Variants in SLC24A2 observed in about 807,000 individuals in gnomAD.
SLC24A2 encodes the protein solute carrier family 24 member 2.
In SLC24A2, 36 loss-of-function variants were observed where a neutral mutation model predicts 62.0. That is an observed-to-expected ratio of 0.58 (90% CI 0.44 to 0.77). SLC24A2 has a LOEUF of 0.77. Ranked by LOEUF, SLC24A2 falls within the 30% of genes least tolerant of loss-of-function variation. The probability of loss-of-function intolerance (pLI) is 0.00; values close to 1 mark genes in which losing one functional copy is unlikely to be tolerated. For missense variants in SLC24A2, 846 were observed against 817.9 expected (o/e 1.03, Z -0.42); for synonymous variants, 358 against 294.0 (o/e 1.22, Z -2.23).
intron 2 of SLC24A2, among the ~76,000 whole-genome samples, chr9:19,636,290 T>TC (rs1818316191): frequency 2.5e-5 from 1 of 40,306 alleles, no homozygotes; most frequent in African/African-American, 9.3e-5. Flanking sequence ...TCTTCTCTTC[T>TC]TTTCTTTTCT....
intron 2 of SLC24A2, among the ~76,000 whole-genome samples, chr9:19,744,642 G>C (rs1215589892): frequency 1.4e-4 from 21 of 152,124 alleles, no homozygotes; most frequent in Admixed American, 1.4e-3. Flanking sequence ...TGGGAATCTG[G>C]ATTTACATAT....
the SLC24A2 span, among the ~76,000 whole-genome samples, chr9:20,196,837 TA>T: frequency 2.6e-5 from 4 of 152,214 alleles, no homozygotes; most frequent in Admixed American, 2.6e-4. Context: ...CATCCCCTCC[TA>T]AAAACAACAC....
chr9:19,918,678 G>A, the SLC24A2 span, among the ~76,000 whole-genome samples: 1 of 152,270 alleles, frequency 6.6e-6, no homozygotes, highest in Admixed American at 6.5e-5. Context: ...GGGTCCCAGT[G>A]AGAGTCATCT....
chr9:20,127,201 T>A, the SLC24A2 span, among the ~76,000 whole-genome samples: 1 of 152,104 alleles, frequency 6.6e-6, no homozygotes, highest in Admixed American at 6.6e-5. Flanking sequence ...GTTTCCTCTC[T>A]CCTTCATTCC....
chr9:19,578,683 G>T lies in SLC24A2; in HGVS notation c.1130-1661C>A, dbSNP rs371073838. 1.2e-4 allele frequency among the ~76,000 whole-genome samples: 19 copies of T among 152,218 alleles called. No individual in the cohort carries two copies. In the East Asian group the frequency reaches 2.7e-3, roughly 22 times the overall value. On this transcript the variant is annotated intron_variant, in intron 5 of 10. Coordinates refer to ENST00000341998, the MANE Select transcript of SLC24A2 (RefSeq NM_020344.4). ...AGCTTCTTTTCCTAGGATAAAGCATGGCAGATTGGCACCCACTGCCCACCT... is the reference window on the plus strand; with the variant it reads ...AGCTTCTTTTCCTAGGATAAAGCATTGCAGATTGGCACCCACTGCCCACCT...
chr9:19,615,994 GCACACACACACACACA>G (rs3220155), intron 4 of SLC24A2, among the ~76,000 whole-genome samples: 20 of 140,902 alleles, frequency 1.4e-4, no homozygotes, highest in Admixed American at 4.3e-4. Flanking sequence ...TCACAGGCGT[GCACACACACACACACA>G]CACACACACA....
chr9:19,850,977 A>T, the SLC24A2 span, among the ~76,000 whole-genome samples: 3 of 45,336 alleles, frequency 6.6e-5, no homozygotes, highest in Admixed American at 4.7e-4. Context: ...GTATATATAT[A>T]TATATATGTA....
At chr9:19,562,698 G>A (rs1236972857) in intron 7 of SLC24A2, among the ~76,000 whole-genome samples, 2 of 152,134 alleles carry the variant, frequency 1.3e-5, no homozygotes, top group African/African-American at 2.4e-5. Flanking sequence ...GGCCTGGTCA[G>A]TAAAAAAATC....
chr9:19,710,117 T>G (rs1401779560), intron 2 of SLC24A2, among the ~76,000 whole-genome samples: 1 of 152,104 alleles, frequency 6.6e-6, no homozygotes, highest in East Asian at 1.9e-4. Flanking sequence ...GAAGAAAGAT[T>G]GGAGAGGGGC....
In SLC24A2 at chr9:19,508,173, G is replaced by A. The variant is rs1832574157; in HGVS notation, c.*7980C>T. 6.6e-6 allele frequency: 1 copy of A among 152,192 alleles called. No individual in the cohort carries two copies. Among genetic ancestry groups the A allele is most frequent in the Non-Finnish European group, 1.5e-5 (1 of 68,032 alleles). The allele number at this position is 152,192 out of a possible 1,614,324, so 9.4% of individuals were successfully genotyped here. A position where few individuals can be genotyped will look rare whatever the true frequency, so the allele number is the denominator to read the frequency against. ...CCGGAGTTTTTTGACTTGAGCAGAA[G>A]AAATATCAAGGCTAGATGCAGGGTA... On this transcript the variant is annotated 3_prime_UTR_variant, in exon 11 of 11. Coordinates refer to ENST00000341998, the MANE Select transcript of SLC24A2 (RefSeq NM_020344.4).
At chr9:20,185,338 C>A in the SLC24A2 span, among the ~76,000 whole-genome samples, 1 of 151,912 alleles carries the variant, frequency 6.6e-6, no homozygotes, top group Non-Finnish European at 1.5e-5. Context: ...TAAATATATA[C>A]AATATTATTT....
chr9:19,658,743 C>G (rs1819010437), intron 2 of SLC24A2, among the ~76,000 whole-genome samples: 1 of 152,150 alleles, frequency 6.6e-6, no homozygotes, highest in Non-Finnish European at 1.5e-5. Context: ...GTGGGAGACC[C>G]AGGAGACCAG....
At chr9:20,197,427 C>CTTTTTTTTTTT in the SLC24A2 span, among the ~76,000 whole-genome samples, 1 of 93,150 alleles carries the variant, frequency 1.1e-5, no homozygotes, top group African/African-American at 4.6e-5. Context: ...CTCTCTCTCT[C>CTTTTTTTTTTT]TTTTTTTTTT....
At chr9:20,302,213 T>C in the SLC24A2 span, among the ~76,000 whole-genome samples, 2 of 152,230 alleles carry the variant, frequency 1.3e-5, no homozygotes, top group Non-Finnish European at 2.9e-5. Flanking sequence ...TAGGTTTTTG[T>C]ACAATTTTCA....
chr9:20,015,544 G>A, the SLC24A2 span, among the ~76,000 whole-genome samples: 2 of 152,190 alleles, frequency 1.3e-5, no homozygotes, highest in East Asian at 3.8e-4. Context: ...TCATGCAAAT[G>A]TCACTGTGGC....
intron 2 of SLC24A2, among the ~76,000 whole-genome samples, chr9:19,631,604 C>T (rs534232533): frequency 1.3e-5 from 2 of 152,258 alleles, no homozygotes; most frequent in African/African-American, 4.8e-5. Context: ...CCCACGGATG[C>T]TCTGCAAACA....
At chr9:19,703,056 G>C (rs1281142221) in intron 2 of SLC24A2, among the ~76,000 whole-genome samples, 1 of 152,136 alleles carries the variant, frequency 6.6e-6, no homozygotes, top group Non-Finnish European at 1.5e-5. Context: ...CTGAGCTTGA[G>C]ATACATTCTT....
rs189979481 is a variant in SLC24A2, at chr9:19,741,589, A to G, written c.930+44348T>C. ...CTAGGAGTGGCAGCTGCTTCCTGCA[A>G]TTCTACCTCCCTGGGACCTGAAAGT... On this transcript the variant is annotated intron_variant, in intron 2 of 10. Coordinates refer to ENST00000341998, the MANE Select transcript of SLC24A2 (RefSeq NM_020344.4). Among the ~76,000 whole-genome samples the G allele has an allele frequency of 9.8e-3, 1,497 of 152,198 alleles. 11 individuals carry two copies. Among genetic ancestry groups the G allele is most frequent in the Middle Eastern group, 0.027 (8 of 294 alleles).
intron 2 of SLC24A2, among the ~76,000 whole-genome samples, chr9:19,701,122 G>C (rs1820343801): frequency 6.6e-6 from 1 of 152,196 alleles, no homozygotes; most frequent in East Asian, 1.9e-4. Flanking sequence ...AGATTTTTGA[G>C]AAAGAGAACA....
Sources: allele counts gnomAD v4.1 joint callset (sites outside exome capture counted in the v4.1 genomes callset), GRCh38; gene constraint gnomAD v4.1.1; transcripts MANE v1.5; gene names NCBI Gene and HGNC (gene_info 2026-07-23, HGNC 2026-07-21).